The following ARHGEF12 variants were observed in gnomAD, a reference collection of about 807,000 sequenced individuals.
ARHGEF12 encodes the protein Rho guanine nucleotide exchange factor 12.
Under a neutral mutation model 211.2 loss-of-function variants are expected in ARHGEF12, and 66 were observed. The ratio of observed to expected loss-of-function variants is 0.31; its 90% CI spans 0.26 to 0.38. The LOEUF (loss-of-function observed/expected upper bound fraction) is 0.38, where lower values mean the gene tolerates loss of function less well. ARHGEF12 is among the 10% of genes least tolerant of loss of function. The pLI, the probability that ARHGEF12 is intolerant of heterozygous loss-of-function variation, is 1.00. For synonymous variants in ARHGEF12, 592 were observed against 638.4 expected, an observed-to-expected ratio of 0.93 and a Z score of 1.09; for missense variants, 1,429 against 1,869.5, an observed-to-expected ratio of 0.76 and a Z score of 4.34.
rs1466052422 is a variant in ARHGEF12 at position 120,485,207 on chromosome 11, A to G, written c.*130A>G. The G allele has an allele frequency of 1.5e-5, 18 of 1,190,396 alleles. No homozygotes were observed. Among genetic ancestry groups the G allele is most frequent in the Non-Finnish European group, 2.0e-5 (16 of 818,306 alleles). 73.7% of individuals were successfully genotyped at this position (1,190,396 alleles called of 1,614,324 possible). On this transcript the variant is annotated 3_prime_UTR_variant, in exon 41 of 41. Coordinates refer to ENST00000397843, the MANE Select transcript of ARHGEF12 (RefSeq NM_015313.3). ...ATCTGCCTGTGAACCACCTGGGATT[A>G]GTCAAGTCCCAAGGTGCCCAGAGTG...
At chr11:120,473,971 TA>T (rs1946952640) in intron 31 of ARHGEF12, among the ~76,000 whole-genome samples, 1 of 152,244 alleles carries the variant, frequency 6.6e-6, no homozygotes, top group Admixed American at 6.5e-5. Context: ...TTATGTCATA[TA>T]TTAATACTTC....
intron 21 of ARHGEF12, chr11:120,449,493 G>T (rs1281525849): frequency 3.2e-6 from 1 of 313,008 alleles, no homozygotes; most frequent in African/African-American, 2.1e-5. Flanking sequence ...AAGTTCAGGA[G>T]ATCGAGACCA....
At chr11:120,382,321 ATTGT>A (rs1197933314) in intron 1 of ARHGEF12, among the ~76,000 whole-genome samples, 1 of 152,164 alleles carries the variant, frequency 6.6e-6, no homozygotes, top group African/African-American at 2.4e-5. Flanking sequence ...TTTCTTTTGA[ATTGT>A]TTATGACATT....
chr11:120,480,774 CAG>C (rs1458182825), intron 38 of ARHGEF12, among the ~76,000 whole-genome samples: 3 of 152,080 alleles, frequency 2.0e-5, no homozygotes, highest in Non-Finnish European at 4.4e-5. Context: ...TGAAGGCAAA[CAG>C]GGTGATCAGG....
Position 120,481,551 on chromosome 11 carries a change from T to C in ARHGEF12, c.4529T>C (p.Ile1510Thr). 1.2e-6 allele frequency: 2 copies of C among 1,614,156 alleles called. No individual in the cohort carries two copies. The change falls in exon 39 of 41, where the codon ATA becomes ACA. Residue 1510 changes from isoleucine (I) to threonine (T), a missense_variant. Physicochemically the swap from Ile to Thr is moderately conservative, Grantham distance 89 (BLOSUM62 -1). Around this residue, in one of 7 missense-constraint regions of ARHGEF12, gnomAD observed 467 missense variants for 468.4 expected, o/e 1.00. Coordinates refer to ENST00000397843, the MANE Select transcript of ARHGEF12 (RefSeq NM_015313.3). The part of the protein sequence containing the change: ...QSQIMEYIHK[I>T]EADLEHLKKV... ...CAGATCATGGAGTACATTCATAAGA[T>C]AGAGGCTGACCTTGAACACTTAAAG...
rs949268146 is a variant in ARHGEF12 at position 120,337,724 on chromosome 11, T to C, written c.32+449T>C. The C allele has an allele frequency of 4.1e-6, 4 of 985,340 alleles. No homozygotes were observed. The African/African-American group carries it at 7.0e-5, about 17-fold the overall frequency. 61.0% of individuals were successfully genotyped at this position (985,340 alleles called of 1,614,324 possible). A position where few individuals can be genotyped will look rare whatever the true frequency, so the allele number is the denominator to read the frequency against. Reference sequence around the variant, plus strand: ...CCTGTGAACTTAATGTTGAGCCTACTGCATGGTGATCTGGGAACTTGATCT... The same window carrying C: ...CCTGTGAACTTAATGTTGAGCCTACCGCATGGTGATCTGGGAACTTGATCT... On this transcript the variant is annotated intron_variant, in intron 1 of 40. Transcript: ENST00000397843.
chr11:120,447,688 C>A (rs918543746), intron 18 of ARHGEF12, among the ~76,000 whole-genome samples, 186 bp from the exon 19 acceptor site: 4 of 152,254 alleles, frequency 2.6e-5, no homozygotes, highest in South Asian at 2.1e-4. Context: ...CATGGTGGCA[C>A]TCCTGTAATC....
chr11:120,401,065 A>C (rs1778077750), intron 1 of ARHGEF12, among the ~76,000 whole-genome samples: 1 of 152,150 alleles, frequency 6.6e-6, no homozygotes, highest in South Asian at 2.1e-4. Flanking sequence ...TAGTGTTTTA[A>C]TGCCAGCTCT....
intron 1 of ARHGEF12, among the ~76,000 whole-genome samples, chr11:120,376,454 T>G (rs1405624749): frequency 6.6e-6 from 1 of 152,208 alleles, no homozygotes; most frequent in Non-Finnish European, 1.5e-5. Flanking sequence ...TCCTTCATTT[T>G]ATCTTTTAAA....
chr11:120,366,109 TA>T (rs2135386294), intron 1 of ARHGEF12: 1 of 152,148 alleles, frequency 6.6e-6, no homozygotes, highest in East Asian at 1.9e-4. Flanking sequence ...AGTAAAAAAT[TA>T]CTGGATGTGG....
At chr11:120,481,697 AT>A in intron 39 of ARHGEF12, 121 bp downstream of exon 39, 1 of 931,072 alleles carries the variant, frequency 1.1e-6, no homozygotes, top group Non-Finnish European at 1.6e-6. Context: ...TTCTTTGACT[AT>A]TATCCATGAA....
At chr11:120,376,398 C>T (rs1943725031) in intron 1 of ARHGEF12, among the ~76,000 whole-genome samples, 1 of 152,016 alleles carries the variant, frequency 6.6e-6, no homozygotes, top group Non-Finnish European at 1.5e-5. Context: ...GTTAGAGAGC[C>T]TGGTCAGTTT....
chr11:120,350,371 C>T (rs559032137), intron 1 of ARHGEF12, among the ~76,000 whole-genome samples: 1 of 152,030 alleles, frequency 6.6e-6, no homozygotes, highest in Admixed American at 6.5e-5. Flanking sequence ...AAAAATTAGC[C>T]GAGTATGGTG....
intron 23 of ARHGEF12, 60 bp from the exon 24 acceptor site, chr11:120,457,661 G>A: frequency 7.6e-7 from 1 of 1,323,186 alleles, no homozygotes; most frequent in South Asian, 1.5e-5. Context: ...AGTATCTTTG[G>A]TATAAATGTA....
At chr11:120,373,037 G>A (rs1201786884) in intron 1 of ARHGEF12, among the ~76,000 whole-genome samples, 1 of 151,990 alleles carries the variant, frequency 6.6e-6, no homozygotes, top group African/African-American at 2.4e-5. Flanking sequence ...TTTCTTAGAA[G>A]TAATTTTTTC....
intron 13 of ARHGEF12, among the ~76,000 whole-genome samples, chr11:120,441,405 G>A (rs1194960702): frequency 2.0e-5 from 3 of 152,104 alleles, no homozygotes; most frequent in Non-Finnish European, 4.4e-5. Context: ...TGCATTTCTA[G>A]AAATGTTAGA....
At chr11:120,480,937 G>A (rs974880698) in intron 38 of ARHGEF12, among the ~76,000 whole-genome samples, 20 of 152,138 alleles carry the variant, frequency 1.3e-4, no homozygotes, top group Non-Finnish European at 2.8e-4. Context: ...TGTGGTGATC[G>A]AACACTGGAT....
intron 1 of ARHGEF12, among the ~76,000 whole-genome samples, chr11:120,355,255 G>A (rs1472019677): frequency 6.6e-6 from 1 of 152,156 alleles, no homozygotes; most frequent in Non-Finnish European, 1.5e-5. Flanking sequence ...CAGCATTTCA[G>A]TCTTGTCACA....
chr11:120,461,709 C>T (rs1226456985), intron 27 of ARHGEF12, among the ~76,000 whole-genome samples: 1 of 152,204 alleles, frequency 6.6e-6, no homozygotes, highest in Non-Finnish European at 1.5e-5. Context: ...TTCAGTGTAG[C>T]CACTGTAATC....
Sources: gnomAD v4.1 joint callset for allele counts (sites outside exome capture counted in the v4.1 genomes callset) on GRCh38, gnomAD v4.1.1 for gene constraint, gnomAD v4.1.1 regional missense constraint, MANE v1.5 for transcripts, NCBI Gene and HGNC (gene_info 2026-07-23, HGNC 2026-07-21) for gene names.